The following NF1 variants were observed in gnomAD, a reference collection of about 807,000 sequenced individuals.
NF1 encodes neurofibromin 1.
In NF1, 122 loss-of-function variants were observed where a neutral mutation model predicts 325.7. That is an observed-to-expected ratio of 0.37 (90% confidence interval 0.32 to 0.44). The LOEUF is 0.44. NF1 is among the 20% of genes least tolerant of loss of function. The pLI, the probability that NF1 is intolerant of heterozygous loss-of-function variation, is 1.00. For synonymous variants in NF1, 1,091 were observed against 1,186.0 expected (o/e 0.92, Z 1.65); for missense variants, 2,140 against 3,415.4 (o/e 0.63, Z 9.31).
At chr17:31,198,517 T>C (rs1038265266) in intron 8 of NF1, among the ~76,000 whole-genome samples, 1 of 152,200 alleles carries the variant, frequency 6.6e-6, no homozygotes, top group African/African-American at 2.4e-5. Context: ...GTCCATTTTG[T>C]CCAGGTTATC....
chr17:31,295,407 T>G, intron 36 of NF1: 1 of 1,614,130 alleles, frequency 6.2e-7, no homozygotes, highest in Non-Finnish European at 8.5e-7. Flanking sequence ...GTTTCCTTTG[T>G]TCGATATTGT....
chr17:31,233,271 A>C, intron 27 of NF1, 58 bp downstream of exon 27: 1 of 1,394,178 alleles, frequency 7.2e-7, no homozygotes, highest in Non-Finnish European at 1.0e-6. Context: ...AATCCTTCAG[A>C]ATATATTTGT....
At chr17:31,248,843 T>TA (rs2067445043) in intron 29 of NF1, 141 bp from the exon 30 acceptor site, 4 of 776,536 alleles carry the variant, frequency 5.2e-6, no homozygotes, top group Admixed American at 2.9e-5. Context: ...TTTTTTTTTT[T>TA]ATAGTTGGTT....
intron 47 of NF1, among the ~76,000 whole-genome samples, chr17:31,341,515 C>A (rs1340197929): frequency 6.6e-6 from 1 of 150,968 alleles, no homozygotes; most frequent in Non-Finnish European, 1.5e-5. Flanking sequence ...AGAGCAAGAC[C>A]CTGTCTCCAA....
chr17:31,280,235 GAA>G (rs2068091189), intron 36 of NF1, among the ~76,000 whole-genome samples: 1 of 149,338 alleles, frequency 6.7e-6, no homozygotes, highest in Admixed American at 6.7e-5. Flanking sequence ...AAAAAAGAAA[GAA>G]ATGTAAGAAC....
At chr17:31,222,073 A>G (rs2066934081) in intron 15 of NF1, 144 bp downstream of exon 15, 1 of 1,290,502 alleles carries the variant, frequency 7.7e-7, no homozygotes, top group African/African-American at 1.5e-5. Context: ...TTGACTTCAA[A>G]TTATTAGAAT....
intron 36 of NF1, among the ~76,000 whole-genome samples, chr17:31,315,282 G>A (rs895919225): frequency 2.0e-5 from 3 of 152,084 alleles, no homozygotes; most frequent in Non-Finnish European, 4.4e-5. Context: ...GGGTTGGGGA[G>A]ATGGTGTTAC....
At chr17:31,234,664 C>CT (rs1229250431) in intron 27 of NF1, among the ~76,000 whole-genome samples, 1 of 95,824 alleles carries the variant, frequency 1.0e-5, no homozygotes, top group Admixed American at 1.3e-4. Context: ...GAGCGAGACT[C>CT]TGTCTCAAAA....
At chr17:31,367,139 TTATC>T (rs1423063644) in intron 57 of NF1, 1 of 699,328 alleles carries the variant, frequency 1.4e-6, no homozygotes, top group African/African-American at 1.9e-5. Flanking sequence ...AACATTATAA[TTATC>T]TAGTATCTAA....
At position 31,327,537 on chromosome 17, in the gene NF1, A is replaced by G. The variant is rs2151540899; in HGVS notation, c.5307A>G (p.Arg1769=). 2 of 1,614,106 alleles carry G rather than the reference A, an allele frequency of 1.2e-6. No homozygotes were observed. Among genetic ancestry groups the G allele is most frequent in the Non-Finnish European group, 1.7e-6 (2 of 1,180,036 alleles). ...CTGTCCAAGTAACTTCAGCAGAGCGAACAAAAGTCCTAGGGCAATCAGTCT... is the reference window on the plus strand; with the variant it reads ...CTGTCCAAGTAACTTCAGCAGAGCGGACAAAAGTCCTAGGGCAATCAGTCT... ...STAVQVTSAE[R]TKVLGQSVFL... is the part of the protein sequence containing the mutation. Residue 1769 remains arginine, a synonymous_variant, in exon 38 of 58, where the codon CGA becomes CGG. Transcript: ENST00000358273.
chr17:31,345,844 T>C (rs1253387644), intron 48 of NF1: 1 of 1,613,086 alleles, frequency 6.2e-7, no homozygotes, highest in East Asian at 2.2e-5. Context: ...GTGGATCTAG[T>C]GATCAGTTTG....
chr17:31,314,593 C>T (rs751548139), intron 36 of NF1: 1 of 152,080 alleles, frequency 6.6e-6, no homozygotes, highest in Non-Finnish European at 1.5e-5. Flanking sequence ...ATAAAAAGTC[C>T]AGGGTAAAAG....
At chr17:31,193,849 C>A (rs1364231720) in intron 8 of NF1, among the ~76,000 whole-genome samples, 1 of 152,000 alleles carries the variant, frequency 6.6e-6, no homozygotes, top group Admixed American at 6.6e-5. Flanking sequence ...ATCATCTCAC[C>A]CCGGTTAGAA....
chr17:31,101,312 C>T (rs927745224), intron 1 of NF1, among the ~76,000 whole-genome samples: 7 of 152,064 alleles, frequency 4.6e-5, no homozygotes, highest in African/African-American at 7.2e-5. Context: ...AGTTCCTTAG[C>T]GGGGGTCTTA....
rs17880895 is a variant in NF1 at position 31,340,942 on chromosome 17, G to A, written c.7062+297G>A. 4.0e-3 allele frequency among the ~76,000 whole-genome samples: 600 copies of A among 150,956 alleles called. 2 individuals carry two copies. Among genetic ancestry groups the A allele is most frequent in the Middle Eastern group, 0.017 (5 of 286 alleles). On this transcript the variant is annotated intron_variant, in intron 47 of 57. Transcript: ENST00000358273. ...ATACATGATCATCCTTACAGAATGAGCATAAACAATACATGGTAATAATAT... is the reference window on the plus strand; with the variant it reads ...ATACATGATCATCCTTACAGAATGAACATAAACAATACATGGTAATAATAT...
intron 5 of NF1, among the ~76,000 whole-genome samples, chr17:31,179,861 C>T (rs891124894): frequency 2.6e-5 from 4 of 151,292 alleles, no homozygotes; most frequent in Non-Finnish European, 5.9e-5. Context: ...TAGCCAGACT[C>T]ATAAAGAAGA....
chr17:31,360,865 A>C (rs1004698322), intron 57 of NF1, 162 bp downstream of exon 57: 1 of 682,610 alleles, frequency 1.5e-6, no homozygotes, highest in Non-Finnish European at 2.6e-6. Flanking sequence ...TTGTTATTCT[A>C]TGAAGCTTTC....
In NF1 at chr17:31,376,453, T is replaced by TAGTA. The variant is rs2070733205; in HGVS notation, c.*2303_*2306dup. ...TTTGAAATGCAAAAATACCTTTGAC[T>TAGTA]AGTAAGTACATCCTAGGAGTTTGAA... On this transcript the variant is annotated 3_prime_UTR_variant, in exon 58 of 58. Coordinates refer to ENST00000358273, the MANE Select transcript of NF1 (RefSeq NM_001042492.3). 1 of 232,656 alleles carries TAGTA rather than the reference T, an allele frequency of 4.3e-6. No homozygotes were observed. The highest frequency in any genetic ancestry group is 8.5e-6 in the Non-Finnish European group (1 of 117,748). The allele number at this position is 232,656 out of a possible 1,614,324, so 14.4% of individuals were successfully genotyped here. A position where few individuals can be genotyped will look rare whatever the true frequency, so the allele number is the denominator to read the frequency against.
chr17:31,320,461 A>T (rs765657549), intron 36 of NF1: 3 of 1,598,290 alleles, frequency 1.9e-6, no homozygotes, highest in Non-Finnish European at 1.7e-6. Context: ...GCTTTTGAAC[A>T]TCAAGGTTTT....
Sources: allele counts gnomAD v4.1 joint callset (sites outside exome capture counted in the v4.1 genomes callset), GRCh38; gene constraint gnomAD v4.1.1; transcripts MANE v1.5; gene names NCBI Gene and HGNC (gene_info 2026-07-23, HGNC 2026-07-21).